The following MCTP1 variants were observed in gnomAD, a reference collection of about 807,000 sequenced individuals.
The protein encoded by MCTP1 is multiple C2 and transmembrane domain containing 1.
A neutral mutation model predicts 120.6 loss-of-function variants in MCTP1; 69 were observed. The ratio of observed to expected loss-of-function variants is 0.57; its 90% CI spans 0.47 to 0.70. The LOEUF (loss-of-function observed/expected upper bound fraction) is 0.70, where lower values mean the gene tolerates loss of function less well. MCTP1 is among the 30% of genes least tolerant of loss of function. The pLI is 0.00. For missense variants in MCTP1, 1,203 were observed against 1,248.8 expected, an observed-to-expected ratio of 0.96 and a Z score of 0.55; for synonymous variants, 529 against 493.1, an observed-to-expected ratio of 1.07 and a Z score of -0.96.
At chr5:94,718,214 T>C (rs1455437036) in intron 19 of MCTP1, among the ~76,000 whole-genome samples, 1 of 152,144 alleles carries the variant, frequency 6.6e-6, no homozygotes, top group Non-Finnish European at 1.5e-5. Flanking sequence ...ACCGCACATC[T>C]ACAACCATCT....
chr5:94,926,938 C>T (rs189130229), intron 6 of MCTP1, among the ~76,000 whole-genome samples: 2,088 of 152,286 alleles, frequency 0.014, 17 homozygotes, highest in Non-Finnish European at 0.023. Context: ...TTTGTCCCTT[C>T]ACTTTGTACC....
At chr5:95,016,346 T>C (rs1837106604) in intron 2 of MCTP1, among the ~76,000 whole-genome samples, 1 of 152,130 alleles carries the variant, frequency 6.6e-6, no homozygotes, top group Non-Finnish European at 1.5e-5. Context: ...AGTTTTTACT[T>C]AACAATTGAA....
At chr5:94,974,670 A>G (rs1032504410) in intron 2 of MCTP1, among the ~76,000 whole-genome samples, 1 of 152,100 alleles carries the variant, frequency 6.6e-6, no homozygotes, top group African/African-American at 2.4e-5. Context: ...ATATAAATAA[A>G]CCTAAGTATC....
chr5:94,802,495 C>T, intron 17 of MCTP1, among the ~76,000 whole-genome samples: 1 of 152,160 alleles, frequency 6.6e-6, no homozygotes, highest in Non-Finnish European at 1.5e-5. Flanking sequence ...TCACTCCACA[C>T]TAAAGCCTCT....
chr5:95,051,334 A>C (rs1026942140), intron 1 of MCTP1, among the ~76,000 whole-genome samples: 1 of 152,112 alleles, frequency 6.6e-6, no homozygotes, highest in Admixed American at 6.6e-5. Context: ...CATATGCCCA[A>C]AGAATGAAGT....
At chr5:94,757,171 A>G (rs865775535) in intron 19 of MCTP1, among the ~76,000 whole-genome samples, 3 of 152,314 alleles carry the variant, frequency 2.0e-5, no homozygotes, top group Middle Eastern at 3.4e-3. Context: ...TTCCATGCAC[A>G]TGGGCGTACA....
intron 19 of MCTP1, among the ~76,000 whole-genome samples, chr5:94,734,066 G>T (rs576490817): frequency 6.6e-6 from 1 of 152,092 alleles, no homozygotes; most frequent in South Asian, 2.1e-4. Context: ...TCTCTCAAAC[G>T]TGTAGAGTGA....
chr5:95,048,079 C>A (rs1335898435), intron 1 of MCTP1, among the ~76,000 whole-genome samples: 1 of 152,148 alleles, frequency 6.6e-6, no homozygotes, highest in East Asian at 1.9e-4. Context: ...CACAAACTGA[C>A]TAACGTAACT....
rs535038549 is a variant in MCTP1 at position 95,232,457 on chromosome 5, ATT to A, written c.720+51397_720+51398del. Among the ~76,000 whole-genome samples, 84 of 137,852 alleles carry A rather than the reference ATT, an allele frequency of 6.1e-4. No homozygotes were observed. In the East Asian group the frequency reaches 9.0e-3, roughly 15 times the overall value. The allele number at this position is 137,852 out of a possible 152,430, so 90.4% of individuals were successfully genotyped here. ...TGTTGCCCACAAGAAATGAAATTTAATTTTTTTTTTTTTTTTTTTGAGACGGA... is the reference window on the plus strand; with the variant it reads ...TGTTGCCCACAAGAAATGAAATTTAATTTTTTTTTTTTTTTTTGAGACGGA... On this transcript the variant is annotated intron_variant, in intron 1 of 22. Transcript: ENST00000515393.
intron 17 of MCTP1, among the ~76,000 whole-genome samples, chr5:94,814,910 A>T (rs758968495): frequency 6.6e-6 from 1 of 152,150 alleles, no homozygotes; most frequent in Non-Finnish European, 1.5e-5. Flanking sequence ...GAACTCTTTT[A>T]ATTTGGGCCT....
At chr5:94,787,520 A>G (rs1270094992) in intron 18 of MCTP1, among the ~76,000 whole-genome samples, 1 of 152,172 alleles carries the variant, frequency 6.6e-6, no homozygotes, top group Non-Finnish European at 1.5e-5. Flanking sequence ...GAACTCTTCA[A>G]GAGAGATAGT....
intron 3 of MCTP1, among the ~76,000 whole-genome samples, chr5:94,949,151 A>G (rs1472018588): frequency 6.6e-6 from 1 of 152,160 alleles, no homozygotes; most frequent in Non-Finnish European, 1.5e-5. Context: ...ACAAATAACA[A>G]TTTATATAAA....
At chr5:94,982,495 T>C (rs564368493) in intron 2 of MCTP1, among the ~76,000 whole-genome samples, 1 of 152,292 alleles carries the variant, frequency 6.6e-6, no homozygotes, top group Admixed American at 6.5e-5. Context: ...AGATTTCTTA[T>C]ACTGACTGAA....
At chr5:95,127,662 G>C (rs531749391) in intron 1 of MCTP1, among the ~76,000 whole-genome samples, 1 of 152,234 alleles carries the variant, frequency 6.6e-6, no homozygotes, top group Admixed American at 6.5e-5. Context: ...AAAAAGAACC[G>C]GGGAAGGAAG....
At chr5:94,748,636 T>C (rs1767491670) in intron 19 of MCTP1, among the ~76,000 whole-genome samples, 1 of 152,254 alleles carries the variant, frequency 6.6e-6, no homozygotes. Flanking sequence ...TGGAATGTAA[T>C]GGAAAATATA....
At chr5:95,165,238 C>T (rs538963735) in intron 1 of MCTP1, among the ~76,000 whole-genome samples, 10 of 152,180 alleles carry the variant, frequency 6.6e-5, no homozygotes, top group African/African-American at 2.4e-4. Flanking sequence ...GCATCTGATA[C>T]AATTTCATTT....
At chr5:95,068,611 C>T (rs961341364) in intron 1 of MCTP1, among the ~76,000 whole-genome samples, 5 of 152,150 alleles carry the variant, frequency 3.3e-5, no homozygotes, top group African/African-American at 9.7e-5. Context: ...CCTGATTGGC[C>T]GGGATCTGTT....
intron 2 of MCTP1, among the ~76,000 whole-genome samples, chr5:94,977,832 T>C (rs1195564925): frequency 2.0e-5 from 3 of 152,108 alleles, no homozygotes; most frequent in African/African-American, 7.2e-5. Flanking sequence ...AACTTAAATA[T>C]AAGTCATGAA....
intron 1 of MCTP1, among the ~76,000 whole-genome samples, chr5:95,132,978 G>A (rs1256387520): frequency 6.6e-6 from 1 of 152,160 alleles, no homozygotes; most frequent in African/African-American, 2.4e-5. Context: ...CTAATCACTT[G>A]TTAGAACCAG....
Sources: allele counts gnomAD v4.1 joint callset (sites outside exome capture counted in the v4.1 genomes callset), GRCh38; gene constraint gnomAD v4.1.1; transcripts MANE v1.5; gene names NCBI Gene and HGNC (gene_info 2026-07-23, HGNC 2026-07-21).